TBCK: variants seen among roughly 807,000 people sequenced by gnomAD.
TBCK encodes TBC domain-containing protein kinase-like protein.
In TBCK, 99 loss-of-function variants were observed where a neutral mutation model predicts 113.4. The observed-to-expected ratio is 0.87, with a 90% CI of 0.74 to 1.03. TBCK has a LOEUF of 1.03. TBCK is among the 50% of genes least tolerant of loss of function. The probability of loss-of-function intolerance (pLI) is 0.00; values close to 1 mark genes in which losing one functional copy is unlikely to be tolerated. For synonymous variants in TBCK, 369 were observed against 370.8 expected (o/e 1.00, Z 0.05); for missense variants, 1,045 against 1,061.3 (o/e 0.98, Z 0.21).
intron 9 of TBCK, chr4:106,248,000 C>T (rs1296904190): frequency 6.5e-6 from 2 of 309,092 alleles, no homozygotes; most frequent in Admixed American, 1.0e-4. Context: ...TATTTAAAAG[C>T]TTGAAAATGA....
chr4:106,139,741 T>C (rs1463016585), intron 23 of TBCK, among the ~76,000 whole-genome samples: 2 of 141,428 alleles, frequency 1.4e-5, no homozygotes, highest in Admixed American at 7.0e-5. Flanking sequence ...TTATGGAATA[T>C]GAACTCATAA....
intron 22 of TBCK, among the ~76,000 whole-genome samples, chr4:106,174,741 C>A (rs188194517): frequency 1.3e-5 from 2 of 152,196 alleles, no homozygotes; most frequent in African/African-American, 2.4e-5. Context: ...TTACTTTCCA[C>A]GTGTATTTTT....
chr4:106,265,547 A>G (rs1762920846), intron 3 of TBCK, among the ~76,000 whole-genome samples: 1 of 151,872 alleles, frequency 6.6e-6, no homozygotes, highest in South Asian at 2.1e-4. Flanking sequence ...AGAGAGAGAG[A>G]GCAAGAGGGA....
intron 24 of TBCK, among the ~76,000 whole-genome samples, chr4:106,098,894 A>C (rs1383240919): frequency 6.6e-6 from 1 of 152,100 alleles, no homozygotes; most frequent in Non-Finnish European, 1.5e-5. Context: ...TGTGCTAAGA[A>C]CAAAATCAAA....
rs767917247 is a variant in TBCK, at chr4:106,232,952, A to G, written c.1625T>C (p.Leu542Pro). 6.2e-7 allele frequency: 1 copy of G among 1,611,712 alleles called. No homozygotes were observed. The highest frequency in any genetic ancestry group is 8.5e-7 in the Non-Finnish European group (1 of 1,178,494). Reference protein sequence around the residue: ...LKAWVVSHPDLVYWQGLDSLC... With the variant: ...LKAWVVSHPDPVYWQGLDSLC... ...ACAAAAGTTACCTTGCCAATACACA[A>G]GATCAGGATGAGACACTACCCAGGC... Residue 542 changes from leucine to proline, a missense_variant, in exon 17 of 26, where the codon CTT (leucine) becomes CCT (proline). Transcript: ENST00000394708.
In TBCK at chr4:106,095,589, A is replaced by G; in HGVS notation, c.2464T>C (p.Phe822Leu). ...GSINIPFSAA[F>L]TAEGELTQGP... is the part of the protein sequence containing the mutation. ...TGGGTAAGCTCCCCTTCTGCAGTGA[A>G]GGCAGCACTGAATGGAATGTTGATG... The change falls in exon 25 of 26, where the codon TTC becomes CTC. Residue 822 changes from phenylalanine (F) to leucine (L), a missense_variant. By Grantham distance (22) the Phe-to-Leu change is conservative. Transcript: ENST00000394708. 1 of 1,614,112 alleles carries G rather than the reference A, an allele frequency of 6.2e-7. No homozygotes were observed. Among genetic ancestry groups the G allele is most frequent in the Non-Finnish European group, 8.5e-7 (1 of 1,179,964 alleles).
At chr4:106,311,496 A>G (rs529738122) in intron 1 of TBCK, among the ~76,000 whole-genome samples, 2 of 152,326 alleles carry the variant, frequency 1.3e-5, no homozygotes, top group East Asian at 3.9e-4. Context: ...AACAAAAAAT[A>G]AAACAAATAA....
chr4:106,194,890 T>C (rs982436877), intron 20 of TBCK, 136 bp from the exon 21 acceptor site: 2 of 834,002 alleles, frequency 2.4e-6, no homozygotes, highest in East Asian at 3.2e-5. Flanking sequence ...TAAAAGAGAA[T>C]GTAGTGTTAA....
At chr4:106,106,968 GA>G (rs1310788041) in intron 24 of TBCK, among the ~76,000 whole-genome samples, 2 of 151,250 alleles carry the variant, frequency 1.3e-5, no homozygotes, top group Non-Finnish European at 3.0e-5. Flanking sequence ...ATAAAAAACA[GA>G]AAAAAGCAGG....
chr4:106,171,642 T>C (rs1751032151), intron 22 of TBCK, among the ~76,000 whole-genome samples: 1 of 152,126 alleles, frequency 6.6e-6, no homozygotes, highest in Non-Finnish European at 1.5e-5. Context: ...GTTTCCACTT[T>C]TCCAATGTGA....
At chr4:106,071,271 G>A (rs548469231) in intron 25 of TBCK, among the ~76,000 whole-genome samples, 33 of 152,274 alleles carry the variant, frequency 2.2e-4, no homozygotes, top group Non-Finnish European at 4.1e-4. Flanking sequence ...TGCTTTAAAT[G>A]TGTCCCAGAG....
At chr4:106,201,961 G>A (rs904453912) in intron 20 of TBCK, among the ~76,000 whole-genome samples, 1 of 151,968 alleles carries the variant, frequency 6.6e-6, no homozygotes, top group South Asian at 2.1e-4. Flanking sequence ...TTCCAGAAAA[G>A]AATGTGTAAA....
chr4:106,116,666 C>T (rs1163177784), intron 23 of TBCK, among the ~76,000 whole-genome samples: 2 of 152,038 alleles, frequency 1.3e-5, no homozygotes, highest in African/African-American at 4.8e-5. Context: ...CCGTTATAGT[C>T]CGAGCTCCGC....
intron 25 of TBCK, among the ~76,000 whole-genome samples, chr4:106,073,137 G>A (rs752062601): frequency 4.6e-5 from 7 of 152,160 alleles, no homozygotes; most frequent in Non-Finnish European, 8.8e-5. Context: ...CCTTTGTTCT[G>A]TTGCTGGCAA....
At chr4:106,094,652 G>A (rs769166954) in intron 25 of TBCK, among the ~76,000 whole-genome samples, 3 of 152,084 alleles carry the variant, frequency 2.0e-5, no homozygotes, top group Non-Finnish European at 2.9e-5. Flanking sequence ...GCATATTCCT[G>A]GCCTTTCTCT....
intron 2 of TBCK, 30 bp downstream of exon 2, chr4:106,308,738 A>G (rs780936138): frequency 6.3e-7 from 1 of 1,585,750 alleles, no homozygotes; most frequent in Non-Finnish European, 8.6e-7. Context: ...AGTAGAGAAC[A>G]TAAATAGGAA....
intron 3 of TBCK, among the ~76,000 whole-genome samples, chr4:106,280,713 C>A (rs183458009): frequency 1.3e-5 from 2 of 152,060 alleles, no homozygotes; most frequent in East Asian, 3.8e-4. Flanking sequence ...ATGCTCTTGA[C>A]GCCTTTGGTA....
chr4:106,061,647 G>A (rs1249740330), intron 25 of TBCK, among the ~76,000 whole-genome samples: 2 of 149,910 alleles, frequency 1.3e-5, no homozygotes, highest in African/African-American at 2.5e-5. Context: ...GTATCTTTGA[G>A]GTGTGCCTGT....
intron 1 of TBCK, among the ~76,000 whole-genome samples, chr4:106,309,756 A>T (rs1441656750): frequency 6.6e-6 from 1 of 152,214 alleles, no homozygotes; most frequent in Non-Finnish European, 1.5e-5. Flanking sequence ...CTTAAACTAG[A>T]TTAAAAGAAG....
Sources: gnomAD v4.1 joint callset for allele counts (sites outside exome capture counted in the v4.1 genomes callset) on GRCh38, gnomAD v4.1.1 for gene constraint, MANE v1.5 for transcripts, NCBI Gene and HGNC (gene_info 2026-07-23, HGNC 2026-07-21) for gene names.